The following DAPK1 variants were observed in gnomAD, a reference collection of about 807,000 sequenced individuals.
DAPK1 encodes the protein death associated protein kinase 1.
A neutral mutation model predicts 144.9 loss-of-function variants in DAPK1; 56 were observed. That is an observed-to-expected ratio of 0.39 (90% CI 0.31 to 0.48). The LOEUF (loss-of-function observed/expected upper bound fraction) is 0.48, where lower values mean the gene tolerates loss of function less well. Among genes scored for constraint, DAPK1 ranks in the 20% least tolerant of loss-of-function variants. The pLI is 0.95. For synonymous variants in DAPK1, 690 were observed against 749.0 expected, an observed-to-expected ratio of 0.92 and a Z score of 1.29; for missense variants, 1,454 against 1,875.4, an observed-to-expected ratio of 0.78 and a Z score of 4.15.
chr9:87,703,156 AC>A lies in DAPK1; in HGVS notation c.3004del (p.Leu1002TrpfsTer94). On this transcript the variant is annotated frameshift_variant, in exon 25 of 26. Transcript: ENST00000408954. LOFTEE classifies it high-confidence loss of function. The part of the protein sequence containing the change: ...QFVYDVQDQL[N>X]PLASEEDLRR... ...GTGTACGACGTGCAGGACCAGCTGA[AC>A]CCCCTGGCCAGCGAGGAGGACCTCA... is the stretch of plus-strand genomic sequence containing the variant. The A allele has an allele frequency of 6.2e-7, 1 of 1,612,170 alleles. No individual in the cohort carries two copies. Among genetic ancestry groups the A allele is most frequent in the Non-Finnish European group, 8.5e-7 (1 of 1,178,216 alleles).
At chr9:87,681,802 T>G (rs1034333895) in intron 20 of DAPK1, 176 bp downstream of exon 20, 1 of 629,906 alleles carries the variant, frequency 1.6e-6, no homozygotes, top group Non-Finnish European at 2.9e-6. Context: ...TGCTGCCTGT[T>G]GTCCAGCAGT....
At chr9:87,614,300 A>G (rs559222730) in intron 3 of DAPK1, among the ~76,000 whole-genome samples, 1 of 152,352 alleles carries the variant, frequency 6.6e-6, no homozygotes, top group Non-Finnish European at 1.5e-5. Flanking sequence ...TGTAGTTTTT[A>G]GGATATAGTC....
At chr9:87,698,589 A>G in intron 22 of DAPK1, 67 bp from the exon 23 acceptor site, 2 of 993,682 alleles carry the variant, frequency 2.0e-6, no homozygotes, top group South Asian at 2.8e-5. Context: ...CACCGCCCTC[A>G]CCTGGGCAGG....
At position 87,707,430 on chromosome 9, in the gene DAPK1, C is replaced by T. The variant is rs1428471671; in HGVS notation, c.*66C>T. On this transcript the variant is annotated 3_prime_UTR_variant, in exon 26 of 26. Coordinates refer to ENST00000408954, the MANE Select transcript of DAPK1 (RefSeq NM_004938.4). This position sits in a 1 kb window ranked among gnomAD's most constrained non-coding sequence, Gnocchi z 4.0. Reference sequence around the variant, plus strand: ...AAGCAAGGGGGTGATGTAGCCCATCCTTCCCTTTGGAGATGCTGAGGGTGT... The same window carrying T: ...AAGCAAGGGGGTGATGTAGCCCATCTTTCCCTTTGGAGATGCTGAGGGTGT... 3 of 1,136,770 alleles carry T rather than the reference C, an allele frequency of 2.6e-6. No individual in the cohort carries two copies. The highest frequency in any genetic ancestry group is 1.5e-5 in the African/African-American group (1 of 64,616). 70.4% of individuals were successfully genotyped at this position (1,136,770 alleles called of 1,614,324 possible).
chr9:87,522,202 A>G (rs1196817815), intron 2 of DAPK1, among the ~76,000 whole-genome samples: 2 of 152,072 alleles, frequency 1.3e-5, no homozygotes, highest in African/African-American at 4.8e-5. Context: ...GTTATGGAGA[A>G]CAAGAGTTAT....
chr9:87,581,916 A>G (rs1436171865), intron 2 of DAPK1, among the ~76,000 whole-genome samples: 1 of 152,226 alleles, frequency 6.6e-6, no homozygotes, highest in Admixed American at 6.5e-5. Flanking sequence ...ACTCGGGCTT[A>G]ATGTAGTAAG....
chr9:87,547,552 C>T (rs1483308237), intron 2 of DAPK1, among the ~76,000 whole-genome samples: 2 of 147,810 alleles, frequency 1.4e-5, no homozygotes, highest in African/African-American at 2.5e-5. Context: ...AGAAACAGAA[C>T]CATAAGTGTG....
intron 4 of DAPK1, 81 bp from the exon 5 acceptor site, chr9:87,639,273 T>G: frequency 7.7e-7 from 1 of 1,294,382 alleles, no homozygotes; most frequent in South Asian, 1.7e-5. Context: ...TTTTTTTTTT[T>G]TGGAGAGAAG....
At chr9:87,540,370 T>C (rs1826005228) in intron 2 of DAPK1, among the ~76,000 whole-genome samples, 2 of 152,096 alleles carry the variant, frequency 1.3e-5, no homozygotes, top group East Asian at 1.9e-4. Flanking sequence ...TTGTTATTTT[T>C]AGTAGAGATG....
At chr9:87,610,266 C>T (rs1225139834) in intron 3 of DAPK1, among the ~76,000 whole-genome samples, 3 of 152,220 alleles carry the variant, frequency 2.0e-5, no homozygotes, top group Non-Finnish European at 2.9e-5. Flanking sequence ...ATCACGATTT[C>T]GGATTTCATG....
intron 2 of DAPK1, among the ~76,000 whole-genome samples, chr9:87,582,293 G>C (rs757094783): frequency 6.6e-6 from 1 of 152,150 alleles, no homozygotes; most frequent in Non-Finnish European, 1.5e-5. Flanking sequence ...AAAAGGCTAG[G>C]TATGTCATGA....
intron 17 of DAPK1, among the ~76,000 whole-genome samples, chr9:87,657,155 A>T (rs1830655168): frequency 6.6e-6 from 1 of 152,230 alleles, no homozygotes; most frequent in South Asian, 2.1e-4. Context: ...AGTTCTGTTC[A>T]TTGAGTGGTT....
intron 2 of DAPK1, among the ~76,000 whole-genome samples, chr9:87,529,690 T>C (rs532720312): frequency 6.6e-6 from 1 of 152,226 alleles, no homozygotes; most frequent in Non-Finnish European, 1.5e-5. Context: ...TGGAATGCAG[T>C]GGACGTGCCT....
chr9:87,525,369 T>G, intron 2 of DAPK1: 1 of 1,611,448 alleles, frequency 6.2e-7, no homozygotes, highest in East Asian at 2.2e-5. Context: ...TCTTGTTGCG[T>G]GTGTTCAAAC....
intron 17 of DAPK1, among the ~76,000 whole-genome samples, chr9:87,656,657 C>T (rs530541183): frequency 2.6e-5 from 4 of 152,344 alleles, no homozygotes; most frequent in East Asian, 3.9e-4. Context: ...CCTAGCCTCC[C>T]GCCTCAGTGG....
At chr9:87,627,534 T>G (rs7049086) in intron 3 of DAPK1, among the ~76,000 whole-genome samples, 8,759 of 151,856 alleles carry the variant, frequency 0.058, 839 homozygotes, top group African/African-American at 0.2. Flanking sequence ...CTCAGGAATG[T>G]CTAAACTCCA....
At chr9:87,702,956 C>A in intron 24 of DAPK1, 73 bp from the exon 25 acceptor site, 1 of 717,496 alleles carries the variant, frequency 1.4e-6, no homozygotes, top group Non-Finnish European at 2.5e-6. Context: ...GAAAGGTGTC[C>A]TTTCCACTGT....
intron 2 of DAPK1, among the ~76,000 whole-genome samples, chr9:87,600,075 C>A (rs764213525): frequency 5.9e-5 from 9 of 152,118 alleles, no homozygotes; most frequent in Non-Finnish European, 8.8e-5. Context: ...TCATTGTATA[C>A]AGTGAAATTA....
intron 3 of DAPK1, among the ~76,000 whole-genome samples, chr9:87,608,377 T>C (rs932483593): frequency 1.3e-5 from 2 of 152,212 alleles, no homozygotes; most frequent in Admixed American, 1.3e-4. Context: ...TTATAAACCA[T>C]TCACCCATTT....
Sources: gnomAD v4.1 joint callset for allele counts (sites outside exome capture counted in the v4.1 genomes callset) on GRCh38, gnomAD v4.1.1 for gene constraint, Gnocchi (gnomAD v3.1) non-coding constraint, MANE v1.5 for transcripts, NCBI Gene and HGNC (gene_info 2026-07-23, HGNC 2026-07-21) for gene names.